Variants in CLYBL observed in about 807,000 individuals in gnomAD.
The protein encoded by CLYBL is citramalyl-CoA lyase, mitochondrial.
In CLYBL, 31 loss-of-function variants were observed where a neutral mutation model predicts 38.9. The observed-to-expected ratio is 0.80, with a 90% CI of 0.60 to 1.08. The LOEUF (loss-of-function observed/expected upper bound fraction) is 1.08. Among genes scored for constraint, CLYBL ranks in the 50% least tolerant of loss-of-function variants. The pLI, the probability that CLYBL is intolerant of heterozygous loss-of-function variation, is 0.00. For synonymous variants in CLYBL, 171 were observed against 158.6 expected (o/e 1.08, Z -0.59); for missense variants, 434 against 411.6 (o/e 1.05, Z -0.47).
chr13:99,789,316 C>A (rs561434356), intron 2 of CLYBL, among the ~76,000 whole-genome samples: 132 of 152,310 alleles, frequency 8.7e-4, no homozygotes, highest in Non-Finnish European at 1.6e-3. Flanking sequence ...ATCTTTCCTG[C>A]TTTCTCTTGT....
chr13:99,608,514 A>T (rs979247568), intron 1 of CLYBL, among the ~76,000 whole-genome samples: 2 of 152,054 alleles, frequency 1.3e-5, no homozygotes, highest in Non-Finnish European at 2.9e-5. Context: ...CTCGCCCTAG[A>T]GGAGCAGCTC....
intron 2 of CLYBL, among the ~76,000 whole-genome samples, chr13:99,820,828 C>A (rs2050574333): frequency 1.3e-5 from 2 of 152,148 alleles, no homozygotes; most frequent in Non-Finnish European, 2.9e-5. Context: ...TAAATGTGTG[C>A]ATTATCGTGA....
At chr13:99,825,614 C>T (rs1184957645) in intron 2 of CLYBL, among the ~76,000 whole-genome samples, 3 of 152,112 alleles carry the variant, frequency 2.0e-5, no homozygotes, top group Admixed American at 2.0e-4. Context: ...GGGATGAGAA[C>T]GCCATGACTT....
chr13:99,741,553 T>G (rs111724218), intron 1 of CLYBL, among the ~76,000 whole-genome samples: 96 of 151,106 alleles, frequency 6.4e-4, no homozygotes, highest in African/African-American at 8.5e-4. Context: ...ATCTTTTTTT[T>G]GGGGGGTGGG....
At chr13:99,821,516 G>A (rs1221048404) in intron 2 of CLYBL, among the ~76,000 whole-genome samples, 2 of 152,012 alleles carry the variant, frequency 1.3e-5, no homozygotes, top group African/African-American at 4.8e-5. Flanking sequence ...TGTCTGTGAA[G>A]GGCATAGCCA....
intron 1 of CLYBL, among the ~76,000 whole-genome samples, chr13:99,692,334 C>G (rs2047918985): frequency 1.3e-5 from 2 of 151,778 alleles, no homozygotes; most frequent in Admixed American, 6.6e-5. Context: ...CTCAGTCACC[C>G]AGGCTGGAGT....
At chr13:99,669,168 A>G (rs891218690) in intron 1 of CLYBL, among the ~76,000 whole-genome samples, 4 of 151,888 alleles carry the variant, frequency 2.6e-5, no homozygotes, top group African/African-American at 9.7e-5. Flanking sequence ...TGCCCAGCTA[A>G]TTTTTTTGTA....
At chr13:99,759,064 T>C (rs1370587175) in intron 1 of CLYBL, among the ~76,000 whole-genome samples, 3 of 152,234 alleles carry the variant, frequency 2.0e-5, no homozygotes, top group African/African-American at 7.2e-5. Context: ...CTTTCTGCTC[T>C]TCCATTTGCT....
chr13:99,616,999 G>T (rs1246391132), intron 1 of CLYBL, among the ~76,000 whole-genome samples: 1 of 151,794 alleles, frequency 6.6e-6, no homozygotes, highest in Non-Finnish European at 1.5e-5. Flanking sequence ...ATAAAGGAAT[G>T]AAAGTTTCCT....
chr13:99,788,547 A>G (rs2049848030), intron 2 of CLYBL, among the ~76,000 whole-genome samples: 1 of 152,210 alleles, frequency 6.6e-6, no homozygotes. Context: ...CCAGGGATGA[A>G]GCCCACTTGA....
intron 2 of CLYBL, among the ~76,000 whole-genome samples, chr13:99,819,085 C>T (rs1225848757): frequency 1.3e-5 from 2 of 152,030 alleles, no homozygotes; most frequent in Non-Finnish European, 2.9e-5. Flanking sequence ...GTGGCTCACA[C>T]CTGTAATTCC....
exon 10 of CLYBL, among the ~76,000 whole-genome samples, chr13:99,908,650 T>C (rs111560615): frequency 3.5e-4 from 54 of 152,340 alleles, no homozygotes; most frequent in African/African-American, 1.2e-3. Context: ...GGAACTGATA[T>C]GTTGCAATGC....
chr13:99,632,677 G>A lies in CLYBL; in HGVS notation c.62+25920G>A, dbSNP rs182929558. Among the ~76,000 whole-genome samples, 41 of 152,158 alleles carry A rather than the reference G, an allele frequency of 2.7e-4. No homozygotes were observed. The Middle Eastern group carries it at 0.01, about 38-fold the overall frequency. On this transcript the variant is annotated intron_variant, in intron 1 of 8. Coordinates refer to ENST00000339105, the MANE Select transcript of CLYBL (RefSeq NM_206808.5). ...AGAGAATCCCTTGAACCTGGGAGGC[G>A]GAGGTTGCAGTGAGCCGAGATTGTG... is the stretch of plus-strand genomic sequence containing the variant.
rs1255755300 is a variant in CLYBL at position 99,687,581 on chromosome 13, G to A, written c.62+80824G>A. On this transcript the variant is annotated intron_variant, in intron 1 of 8. Coordinates refer to ENST00000339105, the MANE Select transcript of CLYBL (RefSeq NM_206808.5). The stretch of plus-strand genomic sequence containing the variant: ...AGGAAGTAGTATACTGCTTGTGAAT[G>A]GTAGGCTAAATGAGGGAACCATTAA... 2.0e-5 allele frequency among the ~76,000 whole-genome samples: 3 copies of A among 152,148 alleles called. No individual in the cohort carries two copies. In the East Asian group the frequency reaches 5.8e-4, roughly 29 times the overall value.
chr13:99,676,059 T>C (rs2047639207), intron 1 of CLYBL, among the ~76,000 whole-genome samples: 1 of 152,172 alleles, frequency 6.6e-6, no homozygotes, highest in African/African-American at 2.4e-5. Flanking sequence ...TTTCATTATG[T>C]TGGCCATGCT....
At chr13:99,655,305 A>G (rs1307695506) in intron 1 of CLYBL, among the ~76,000 whole-genome samples, 1 of 151,996 alleles carries the variant, frequency 6.6e-6, no homozygotes. Flanking sequence ...TGAACTCCTG[A>G]CCTCAGATGA....
Position 99,674,298 on chromosome 13 carries a change from C to T in CLYBL, c.62+67541C>T, listed in dbSNP as rs190936945. On this transcript the variant is annotated intron_variant, in intron 1 of 8. Coordinates refer to ENST00000339105, the MANE Select transcript of CLYBL (RefSeq NM_206808.5). The stretch of plus-strand genomic sequence containing the variant: ...TCCTGAGTAGCTGGGATTACAGGCA[C>T]GTGCCACCATGCCTGGCTAATTTTT... Among the ~76,000 whole-genome samples, 195 of 151,622 alleles carry T rather than the reference C, an allele frequency of 1.3e-3. 2 individuals are homozygous for T. The highest frequency in any genetic ancestry group is 3.8e-3 in the African/African-American group (159 of 41,330).
At chr13:99,642,872 CCTCAGCCTCCCAA>C (rs1195433471) in intron 1 of CLYBL, among the ~76,000 whole-genome samples, 1 of 152,196 alleles carries the variant, frequency 6.6e-6, no homozygotes, top group African/African-American at 2.4e-5. Flanking sequence ...CATCCTCCCA[CCTCAGCCTCCCAA>C]CTAGCTACAG....
At chr13:99,822,004 C>T (rs2050597844) in intron 2 of CLYBL, among the ~76,000 whole-genome samples, 1 of 152,154 alleles carries the variant, frequency 6.6e-6, no homozygotes, top group South Asian at 2.1e-4. Flanking sequence ...ATTTAGGATC[C>T]CAGACTCTCC....
Sources: allele counts gnomAD v4.1 joint callset (sites outside exome capture counted in the v4.1 genomes callset), GRCh38; gene constraint gnomAD v4.1.1; transcripts MANE v1.5; gene names NCBI Gene and HGNC (gene_info 2026-07-23, HGNC 2026-07-21).